The following PPP1R21 variants were observed in gnomAD, a reference collection of about 807,000 sequenced individuals.
PPP1R21 encodes the protein protein phosphatase 1 regulatory subunit 21.
In PPP1R21, 85 loss-of-function variants were observed where a neutral mutation model predicts 112.8. The ratio of observed to expected loss-of-function variants is 0.75; its 90% confidence interval spans 0.63 to 0.90. PPP1R21 has a LOEUF of 0.90. Ranked by LOEUF, PPP1R21 falls within the 40% of genes least tolerant of loss-of-function variation. The probability of loss-of-function intolerance (pLI) is 0.00; values close to 1 mark genes in which losing one functional copy is unlikely to be tolerated. For missense variants in PPP1R21, 1,199 were observed against 901.5 expected (o/e 1.33, Z -4.23); for synonymous variants, 381 against 322.3 (o/e 1.18, Z -1.95).
chr2:48,487,565 C>T (rs568599336), intron 14 of PPP1R21, among the ~76,000 whole-genome samples: 1 of 152,024 alleles, frequency 6.6e-6, no homozygotes, highest in African/African-American at 2.4e-5. Context: ...GAGTTCAAGA[C>T]CAGCCTCAGC....
At chr2:48,452,954 CT>C (rs1319946542) in intron 2 of PPP1R21, among the ~76,000 whole-genome samples, 10,017 of 138,282 alleles carry the variant, frequency 0.072, 312 homozygotes, top group Non-Finnish European at 0.11. Context: ...GTTGCTGTTC[CT>C]TTTTTTTTTT....
intron 11 of PPP1R21, chr2:48,471,582 AGTT>A: frequency 7.9e-6 from 4 of 505,150 alleles, no homozygotes; most frequent in Non-Finnish European, 1.4e-5. Context: ...ACAGATTTTC[AGTT>A]GTTCTGTACT....
Position 48,454,553 on chromosome 2 carries a change from C to T in PPP1R21, c.127-42C>T, listed in dbSNP as rs142007595. The stretch of plus-strand genomic sequence containing the variant: ...TTTTTAATAAAATTTCTAAACCTTA[C>T]AGCTAAACTGTGAGGACCAATCTGT... On this transcript the variant is annotated intron_variant, in intron 2 of 21. Transcript: ENST00000294952. 18 of 1,611,426 alleles carry T rather than the reference C, an allele frequency of 1.1e-5. No homozygotes were observed. The African/African-American group carries it at 2.1e-4, about 19-fold the overall frequency.
intron 3 of PPP1R21, among the ~76,000 whole-genome samples, chr2:48,457,015 G>A (rs768243591): frequency 5.9e-5 from 9 of 151,902 alleles, no homozygotes; most frequent in Non-Finnish European, 1.2e-4. Flanking sequence ...TCACACCATT[G>A]CACTCCAGCC....
intron 5 of PPP1R21, 32 bp from the exon 6 acceptor site, chr2:48,460,063 C>T (rs1301922833): frequency 1.9e-6 from 3 of 1,612,456 alleles, no homozygotes; most frequent in African/African-American, 2.7e-5. Flanking sequence ...GTAGCCTGAG[C>T]CATCTGTGTT....
At chr2:48,495,856 A>C in intron 16 of PPP1R21, 85 bp downstream of exon 16, 1 of 760,564 alleles carries the variant, frequency 1.3e-6, no homozygotes, top group East Asian at 2.5e-5. Flanking sequence ...ACGTAGAATG[A>C]TTCAAAAGTC....
chr2:48,483,195 CTTTTT>C (rs755036470), intron 13 of PPP1R21, among the ~76,000 whole-genome samples: 4 of 80,914 alleles, frequency 4.9e-5, no homozygotes, highest in Non-Finnish European at 6.3e-5. Context: ...CTTTTTTTTC[CTTTTT>C]TTTTTTTTTT....
In PPP1R21 at chr2:48,486,621, G is replaced by C. The variant is rs376590006; in HGVS notation, c.1319-10G>C. 55 of 1,597,594 alleles carry C rather than the reference G, an allele frequency of 3.4e-5. No individual in the cohort carries two copies. The highest frequency in any genetic ancestry group is 4.0e-5 in the African/African-American group (3 of 74,504). Reference sequence around the variant, plus strand: ...GATAATAATGAATTTTCATGTAATTGCTTTTATAGATATTTCCAAACATTA... The same window carrying C: ...GATAATAATGAATTTTCATGTAATTCCTTTTATAGATATTTCCAAACATTA... On this transcript the variant is annotated splice_polypyrimidine_tract_variant and intron_variant, in intron 13 of 21. Coordinates refer to ENST00000294952, the MANE Select transcript of PPP1R21 (RefSeq NM_001135629.3).
intron 13 of PPP1R21, among the ~76,000 whole-genome samples, chr2:48,484,857 A>G (rs1669207120): frequency 6.6e-6 from 1 of 152,230 alleles, no homozygotes; most frequent in South Asian, 2.1e-4. Flanking sequence ...TAATCAAGCT[A>G]CAATAGCATT....
intron 8 of PPP1R21, 132 bp from the exon 9 acceptor site, chr2:48,465,360 TG>T: frequency 1.1e-6 from 1 of 891,812 alleles, no homozygotes; most frequent in Non-Finnish European, 1.6e-6. Flanking sequence ...AAAATTCAAG[TG>T]GGAGCAGATG....
chr2:48,458,213 C>T lies in PPP1R21; in HGVS notation c.361C>T (p.Arg121Trp), dbSNP rs1439732853. The part of the protein sequence containing the change: ...DLQKKIEENE[R>W]LHIQFFEADE... ...GCAAAAGAAGATAGAAGAGAATGAA[C>T]GGTTGCATATACAAGTGAGAAAATC... Residue 121 changes from arginine (R) to tryptophan (W), a missense_variant, in exon 4 of 22, where the codon CGG becomes TGG. By Grantham distance (101) the Arg-to-Trp change is moderately radical (BLOSUM62 -3). Transcript: ENST00000294952. The T allele has an allele frequency of 6.2e-6, 10 of 1,607,300 alleles. No individual in the cohort carries two copies. The highest frequency in any genetic ancestry group is 2.2e-5 in the South Asian group (2 of 90,878).
intron 19 of PPP1R21, 72 bp downstream of exon 19, chr2:48,507,457 T>C: frequency 6.4e-7 from 1 of 1,551,188 alleles, no homozygotes; most frequent in Non-Finnish European, 8.6e-7. Flanking sequence ...TGTCCTGTTT[T>C]CATGCTGTTC....
chr2:48,488,297 T>G, intron 14 of PPP1R21, among the ~76,000 whole-genome samples: 1 of 152,100 alleles, frequency 6.6e-6, no homozygotes, highest in South Asian at 2.1e-4. Flanking sequence ...AGGATAATCC[T>G]AACTGATTCA....
chr2:48,464,254 C>A (rs866068043), intron 7 of PPP1R21, among the ~76,000 whole-genome samples: 1 of 152,110 alleles, frequency 6.6e-6, no homozygotes, highest in Non-Finnish European at 1.5e-5. Context: ...GACTATGCCA[C>A]AGGAACATTC....
rs1670797861 is a variant in PPP1R21 at position 48,514,724 on chromosome 2, A to G, written c.2323A>G (p.Lys775Glu). The change falls in exon 22 of 22, where the codon AAA becomes GAA. Residue 775 changes from lysine (K) to glutamate (E), a missense_variant. By Grantham distance (56) the Lys-to-Glu change is moderately conservative (BLOSUM62 1). Transcript: ENST00000294952. ...ATTTTTCTTTGCACAGGGGAATTCT[A>G]AAAAGAACAAGAGTCGATAGTTTTG... ...TLKMSSKGNS[K>E]KNKSR 1 of 1,608,736 alleles carries G rather than the reference A, an allele frequency of 6.2e-7. No homozygotes were observed. The highest frequency in any genetic ancestry group is 8.5e-7 in the Non-Finnish European group (1 of 1,176,552).
In PPP1R21 at chr2:48,498,568, A is replaced by C; in HGVS notation, c.1768A>C (p.Lys590Gln). 6.2e-7 allele frequency: 1 copy of C among 1,614,234 alleles called. No individual in the cohort carries two copies. Among genetic ancestry groups the C allele is most frequent in the Non-Finnish European group, 8.5e-7 (1 of 1,180,036 alleles). ...EHWMLEAQLA[K>Q]IKLEKENQRI... ...TTGGATGTTGGAAGCACAATTAGCC[A>C]AAATCAAGCTAGAGAAAGAAAACCA... Residue 590 changes from lysine to glutamine, a missense_variant, in exon 17 of 22, where the codon AAA (lysine) becomes CAA (glutamine). Lys to Gln is a moderately conservative substitution (Grantham distance 53). Transcript: ENST00000294952.
intron 1 of PPP1R21, among the ~76,000 whole-genome samples, chr2:48,450,191 G>A (rs1667413696): frequency 6.6e-6 from 1 of 152,104 alleles, no homozygotes; most frequent in East Asian, 1.9e-4. Context: ...ATGTAGCTTT[G>A]TGAAATAGCA....
chr2:48,461,093 A>G (rs1231878691), intron 6 of PPP1R21, 45 bp from the exon 7 acceptor site: 1 of 1,546,944 alleles, frequency 6.5e-7, no homozygotes, highest in South Asian at 1.3e-5. Flanking sequence ...GGATTCACTC[A>G]GTGATTGGTG....
At chr2:48,457,779 A>G (rs187012647) in intron 3 of PPP1R21, among the ~76,000 whole-genome samples, 1 of 152,204 alleles carries the variant, frequency 6.6e-6, no homozygotes, top group Non-Finnish European at 1.5e-5. Context: ...AAACCAAAAG[A>G]TCAAATTGAA....
Sources: gnomAD v4.1 joint callset for allele counts (sites outside exome capture counted in the v4.1 genomes callset) on GRCh38, gnomAD v4.1.1 for gene constraint, MANE v1.5 for transcripts, NCBI Gene and HGNC (gene_info 2026-07-23, HGNC 2026-07-21) for gene names.